Variants in STAU1 observed in about 807,000 individuals in gnomAD.
STAU1 encodes double-stranded RNA-binding protein Staufen homolog 1.
In STAU1, 13 loss-of-function variants were observed where a neutral mutation model predicts 62.9. That is an observed-to-expected ratio of 0.21 (90% CI 0.13 to 0.33). The LOEUF (loss-of-function observed/expected upper bound fraction) is 0.33, where lower values mean the gene tolerates loss of function less well. Among genes scored for constraint, STAU1 ranks in the 10% least tolerant of loss-of-function variants. The probability of loss-of-function intolerance (pLI) is 1.00; values close to 1 mark genes in which losing one functional copy is unlikely to be tolerated. For missense variants in STAU1, 571 were observed against 712.1 expected (o/e 0.80, Z 2.25); for synonymous variants, 269 against 265.1 (o/e 1.01, Z -0.14).
chr20:49,134,449 A>AAAAAAAAAAAAAAAAAAAAAAAAAT, intron 6 of STAU1: 1 of 609,626 alleles, frequency 1.6e-6, no homozygotes, highest in Non-Finnish European at 2.9e-6. Context: ...AAAAAAAAAA[A>AAAAAAAAAAAAAAAAAAAAAAAAAT]GCTCTGGGTT....
intron 6 of STAU1, among the ~76,000 whole-genome samples, chr20:49,125,071 T>TAAAA (rs11473077): frequency 0.29 from 24,164 of 82,992 alleles, 3,876 homozygotes; most frequent in Non-Finnish European, 0.34. Context: ...ACACATTAAG[T>TAAAA]AAAAAAAAAA....
intron 5 of STAU1, among the ~76,000 whole-genome samples, chr20:49,151,115 T>C (rs1307893988): frequency 6.6e-6 from 1 of 152,178 alleles, no homozygotes; most frequent in Non-Finnish European, 1.5e-5. Context: ...GTTTAAACCA[T>C]CACTAAATTC....
chr20:49,134,275 T>C (rs927939465), intron 6 of STAU1, among the ~76,000 whole-genome samples: 9 of 151,582 alleles, frequency 5.9e-5, no homozygotes, highest in African/African-American at 2.2e-4. Flanking sequence ...CTACTAAAAA[T>C]ACAAAATTAG....
At chr20:49,187,837 T>G (rs958120524) in intron 1 of STAU1, among the ~76,000 whole-genome samples, 1 of 134,678 alleles carries the variant, frequency 7.4e-6, no homozygotes, top group Non-Finnish European at 1.6e-5. Context: ...GCGCGCGCCA[T>G]GCGGGACGAG....
At chr20:49,125,868 C>A (rs897312821) in intron 6 of STAU1, among the ~76,000 whole-genome samples, 1 of 151,788 alleles carries the variant, frequency 6.6e-6, no homozygotes, top group Admixed American at 6.6e-5. Flanking sequence ...AAATTAGTTA[C>A]CTACAACAGG....
intron 7 of STAU1, 21 bp downstream of exon 7, chr20:49,124,354 T>A: frequency 6.2e-7 from 1 of 1,610,100 alleles, no homozygotes; most frequent in South Asian, 1.1e-5. Flanking sequence ...AAACACCTTC[T>A]GTGTTCAGAA....
intron 5 of STAU1, among the ~76,000 whole-genome samples, chr20:49,150,979 A>C (rs2093236945): frequency 6.6e-6 from 1 of 152,150 alleles, no homozygotes; most frequent in Admixed American, 6.5e-5. Context: ...GAGCCACCTT[A>C]AAAGCAGATC....
In STAU1 at chr20:49,166,240, G is replaced by GC; in HGVS notation, c.-40dup. 1 of 1,580,876 alleles carries GC rather than the reference G, an allele frequency of 6.3e-7. No individual in the cohort carries two copies. The highest frequency in any genetic ancestry group is 1.3e-5 in the African/African-American group (1 of 74,322). On this transcript the variant is annotated 5_prime_UTR_variant, in exon 3 of 14. Transcript: ENST00000371856. Reference sequence around the variant, plus strand: ...AAAAGTGAACAAATGCAGGTAAACAGCTTTCAGTGCAGGTTAATTCAGTGC... The same window carrying GC: ...AAAAGTGAACAAATGCAGGTAAACAGCCTTTCAGTGCAGGTTAATTCAGTGC...
chr20:49,128,137 G>A (rs545293739), intron 6 of STAU1, among the ~76,000 whole-genome samples: 11 of 150,060 alleles, frequency 7.3e-5, no homozygotes, highest in Middle Eastern at 3.4e-3. Flanking sequence ...CAACAAGAGC[G>A]AAACTCTGTC....
chr20:49,186,981 A>C (rs1312249384), intron 1 of STAU1, among the ~76,000 whole-genome samples: 1 of 152,176 alleles, frequency 6.6e-6, no homozygotes, highest in Non-Finnish European at 1.5e-5. Flanking sequence ...AGGCGGGGCA[A>C]GGGCTTAAAA....
intron 6 of STAU1, 25 bp from the exon 7 acceptor site, chr20:49,124,612 G>A (rs1004746494): frequency 5.0e-6 from 8 of 1,611,636 alleles, no homozygotes; most frequent in Non-Finnish European, 5.9e-6. Flanking sequence ...AAGACTGAGT[G>A]AAAGCGGACA....
At chr20:49,115,720 T>C in intron 13 of STAU1, 62 bp downstream of exon 13, 1 of 1,425,666 alleles carries the variant, frequency 7.0e-7, no homozygotes, top group South Asian at 1.1e-5. Context: ...TAGTGTAAAC[T>C]CAACACAAAC....
At chr20:49,155,414 A>C (rs185152230) in intron 3 of STAU1, among the ~76,000 whole-genome samples, 43 of 152,326 alleles carry the variant, frequency 2.8e-4, no homozygotes, top group Admixed American at 5.2e-4. Flanking sequence ...AGTTCATCCA[A>C]TCCATAAACC....
Position 49,180,557 on chromosome 20 carries a change from C to T in STAU1, c.-159-6288G>A, listed in dbSNP as rs369247704. On this transcript the variant is annotated intron_variant, in intron 1 of 13. Transcript: ENST00000371856. ...CAGGCTGGTCTCGAACTCCTGACCT[C>T]AGGTGATGCGCCTGCCTTGGCCTCC... Among the ~76,000 whole-genome samples, 8 of 152,190 alleles carry T rather than the reference C, an allele frequency of 5.3e-5. No individual in the cohort carries two copies. In the East Asian group the frequency reaches 1.5e-3, roughly 29 times the overall value.
chr20:49,129,630 CT>C lies in STAU1; in HGVS notation c.610-5044del, dbSNP rs558925613. ...TCTGGTTTAGAAAACAGTTTGGCAA[CT>C]TTTTTTTTTTTTTTTTTTTTTTTGA... On this transcript the variant is annotated intron_variant, in intron 6 of 13. Transcript: ENST00000371856. 8.6e-3 allele frequency among the ~76,000 whole-genome samples: 833 copies of C among 96,660 alleles called. 2 individuals are homozygous for C. Among genetic ancestry groups the C allele is most frequent in the African/African-American group, 0.016 (368 of 22,566 alleles). The allele number at this position is 96,660 out of a possible 152,430, so 63.4% of individuals were successfully genotyped here.
At chr20:49,170,210 C>G (rs2093579588) in intron 2 of STAU1, among the ~76,000 whole-genome samples, 2 of 152,210 alleles carry the variant, frequency 1.3e-5, no homozygotes, top group South Asian at 4.1e-4. Flanking sequence ...AAGGCAGACC[C>G]TTCTAGAAAT....
chr20:49,219,274 A>T, the STAU1 span: 1 of 1,420,110 alleles, frequency 7.0e-7, no homozygotes, highest in African/African-American at 1.4e-5. Context: ...ACACGAAACC[A>T]ACCACGCCCC....
intron 6 of STAU1, among the ~76,000 whole-genome samples, chr20:49,127,429 G>C (rs1403528870): frequency 2.0e-5 from 3 of 152,206 alleles, no homozygotes; most frequent in Non-Finnish European, 1.5e-5. Flanking sequence ...AAGGGGGCCA[G>C]GTGCAGTGGC....
intron 1 of STAU1, among the ~76,000 whole-genome samples, chr20:49,180,542 T>G (rs567758518): frequency 6.6e-6 from 1 of 152,322 alleles, no homozygotes; most frequent in African/African-American, 2.4e-5. Context: ...CAGGCTGGTC[T>G]CGAACTCCTG....
Sources: allele counts gnomAD v4.1 joint callset (sites outside exome capture counted in the v4.1 genomes callset), GRCh38; gene constraint gnomAD v4.1.1; transcripts MANE v1.5; gene names NCBI Gene and HGNC (gene_info 2026-07-23, HGNC 2026-07-21).